Variants in NCKAP5 observed in about 807,000 individuals in gnomAD.
The protein encoded by NCKAP5 is nck-associated protein 5.
A neutral mutation model predicts 167.0 loss-of-function variants in NCKAP5; 92 were observed. The observed-to-expected ratio is 0.55, with a 90% CI of 0.47 to 0.66. The LOEUF is 0.66. Among genes scored for constraint, NCKAP5 ranks in the 30% least tolerant of loss-of-function variants. NCKAP5 has a pLI of 0.00. For missense variants in NCKAP5, 2,378 were observed against 2,315.0 expected (o/e 1.03, Z -0.56); for synonymous variants, 891 against 877.4 (o/e 1.02, Z -0.27).
intron 6 of NCKAP5, among the ~76,000 whole-genome samples, chr2:133,124,637 G>A (rs571446585): frequency 1.2e-3 from 177 of 152,284 alleles, no homozygotes; most frequent in Non-Finnish European, 2.1e-3. Context: ...TAAATACGGT[G>A]TTTTGTTCAT....
chr2:133,535,186 A>T (rs1007675935), intron 2 of NCKAP5, among the ~76,000 whole-genome samples: 1 of 152,148 alleles, frequency 6.6e-6, no homozygotes, highest in African/African-American at 2.4e-5. Context: ...GTTTTGTTTC[A>T]TGCATATATT....
chr2:132,682,193 C>A (rs946736312), intron 19 of NCKAP5, among the ~76,000 whole-genome samples: 1 of 152,100 alleles, frequency 6.6e-6, no homozygotes, highest in African/African-American at 2.4e-5. Flanking sequence ...TTTATGGCAG[C>A]AATTGTAGGA....
At position 132,672,553 on chromosome 2, in the gene NCKAP5, G is replaced by C. The variant is rs1334227436; in HGVS notation, c.*736C>G. 1 of 152,372 alleles carries C rather than the reference G, an allele frequency of 6.6e-6. No homozygotes were observed. Among genetic ancestry groups the C allele is most frequent in the Non-Finnish European group, 1.5e-5 (1 of 68,042 alleles). The allele number at this position is 152,372 out of a possible 1,614,324, so 9.4% of individuals were successfully genotyped here. A position where few individuals can be genotyped will look rare whatever the true frequency, so the allele number is the denominator to read the frequency against. On this transcript the variant is annotated 3_prime_UTR_variant, in exon 20 of 20. Coordinates refer to ENST00000409261, the MANE Select transcript of NCKAP5 (RefSeq NM_207363.3). The stretch of plus-strand genomic sequence containing the variant: ...CGATTTTTTGGCAGGCCCTGTTGTA[G>C]GTTTACAGAGTGTACCCACAAACAA...
Position 132,741,110 on chromosome 2 carries a change from T to C in NCKAP5, c.5129-9059A>G, listed in dbSNP as rs1048924044. On this transcript the variant is annotated intron_variant, in intron 16 of 19. Coordinates refer to ENST00000409261, the MANE Select transcript of NCKAP5 (RefSeq NM_207363.3). ...AGTCTTTCTTGAATTTATTTTCATA[T>C]ACAGCTGTTATAGCCTCTGAAAAAA... Among the ~76,000 whole-genome samples, 3 of 152,106 alleles carry C rather than the reference T, an allele frequency of 2.0e-5. No individual in the cohort carries two copies. The South Asian group carries it at 6.2e-4, about 31-fold the overall frequency.
chr2:133,246,708 C>T (rs1052387912), intron 4 of NCKAP5, among the ~76,000 whole-genome samples: 18 of 152,196 alleles, frequency 1.2e-4, no homozygotes, highest in Non-Finnish European at 2.4e-4. Context: ...AAATGTGTTT[C>T]TCACTGCGGC....
At chr2:133,305,810 C>A (rs138254386) in intron 3 of NCKAP5, among the ~76,000 whole-genome samples, 63 of 152,312 alleles carry the variant, frequency 4.1e-4, no homozygotes, top group African/African-American at 1.4e-3. Flanking sequence ...GATTCTTCAT[C>A]CCTCTTTTCA....
chr2:133,593,277 G>C, the NCKAP5 span, among the ~76,000 whole-genome samples: 6 of 151,518 alleles, frequency 4.0e-5, no homozygotes, highest in East Asian at 1.2e-3. Flanking sequence ...CACACACATA[G>C]ATATGTCATC....
chr2:132,811,768 C>T (rs1685888893), intron 11 of NCKAP5, among the ~76,000 whole-genome samples: 1 of 152,154 alleles, frequency 6.6e-6, no homozygotes, highest in African/African-American at 2.4e-5. Flanking sequence ...TTTGTGCCCT[C>T]CTCTGAGTTC....
chr2:133,569,257 T>C (rs970136885), upstream of NCKAP5, among the ~76,000 whole-genome samples: 4 of 152,248 alleles, frequency 2.6e-5, no homozygotes, highest in East Asian at 1.9e-4. Flanking sequence ...TTGGTTCTTA[T>C]AGTTTTTACA....
intron 4 of NCKAP5, among the ~76,000 whole-genome samples, chr2:133,216,788 C>T (rs1574409986): frequency 6.6e-6 from 1 of 151,904 alleles, no homozygotes; most frequent in African/African-American, 2.4e-5. Flanking sequence ...GGAGGCAAAA[C>T]TTAGAAGGTA....
intron 3 of NCKAP5, among the ~76,000 whole-genome samples, chr2:133,309,391 G>C (rs528966725): frequency 1.1e-4 from 16 of 152,196 alleles, no homozygotes; most frequent in Admixed American, 2.6e-4. Context: ...CTAGGCTCAT[G>C]TTTGAAACAA....
At chr2:133,424,520 A>T (rs1689672264) in intron 3 of NCKAP5, among the ~76,000 whole-genome samples, 1 of 152,248 alleles carries the variant, frequency 6.6e-6, no homozygotes, top group Non-Finnish European at 1.5e-5. Flanking sequence ...TTAATAGATG[A>T]GTTTTCAAGG....
chr2:133,393,264 C>T (rs1687533692), intron 3 of NCKAP5, among the ~76,000 whole-genome samples: 1 of 152,216 alleles, frequency 6.6e-6, no homozygotes, highest in South Asian at 2.1e-4. Context: ...CAAAATCCTA[C>T]ACCTAGCAGT....
intron 3 of NCKAP5, among the ~76,000 whole-genome samples, chr2:133,470,649 TAGTAATCAGCGAG>T (rs968554979): frequency 9.2e-5 from 14 of 152,218 alleles, no homozygotes; most frequent in Non-Finnish European, 1.5e-5. Context: ...ACTGCTGTGC[TAGTAATCAGCGAG>T]ACTCCATGGG....
chr2:133,007,758 AT>A (rs2149351843), intron 6 of NCKAP5, among the ~76,000 whole-genome samples: 1 of 152,282 alleles, frequency 6.6e-6, no homozygotes, highest in African/African-American at 2.4e-5. Flanking sequence ...GATAAAGATT[AT>A]AATCTTCATA....
intron 3 of NCKAP5, among the ~76,000 whole-genome samples, chr2:133,309,667 A>T (rs535949376): frequency 6.6e-6 from 1 of 152,350 alleles, no homozygotes; most frequent in East Asian, 1.9e-4. Flanking sequence ...AGTATGAAAC[A>T]TTTAAAGTGA....
chr2:132,827,166 T>G (rs1687182875), intron 11 of NCKAP5, among the ~76,000 whole-genome samples: 1 of 152,184 alleles, frequency 6.6e-6, no homozygotes, highest in Non-Finnish European at 1.5e-5. Context: ...TGACTGAGCA[T>G]TTACTGTATG....
chr2:133,612,002 T>C, the NCKAP5 span, among the ~76,000 whole-genome samples: 1 of 152,160 alleles, frequency 6.6e-6, no homozygotes, highest in Non-Finnish European at 1.5e-5. Flanking sequence ...CATAATTCTA[T>C]GGTCAGGTAG....
chr2:132,791,338 T>C (rs1684055598), intron 12 of NCKAP5, among the ~76,000 whole-genome samples: 1 of 152,238 alleles, frequency 6.6e-6, no homozygotes, highest in South Asian at 2.1e-4. Context: ...CACATGGTAA[T>C]AACCCTCACA....
Sources: allele counts gnomAD v4.1 joint callset (sites outside exome capture counted in the v4.1 genomes callset), GRCh38; gene constraint gnomAD v4.1.1; transcripts MANE v1.5; gene names NCBI Gene and HGNC (gene_info 2026-07-23, HGNC 2026-07-21).